Variants in OGA observed in about 807,000 individuals in gnomAD.
OGA encodes protein O-GlcNAcase.
Under a neutral mutation model 102.0 loss-of-function variants are expected in OGA, and 21 were observed. The ratio of observed to expected loss-of-function variants is 0.21; its 90% CI spans 0.15 to 0.30. OGA has a LOEUF of 0.30. Ranked by LOEUF, OGA falls within the 10% of genes least tolerant of loss-of-function variation. The pLI is 1.00. For synonymous variants in OGA, 408 were observed against 378.2 expected (o/e 1.08, Z -0.91); for missense variants, 765 against 1,107.8 (o/e 0.69, Z 4.39).
rs1350471428 is a variant in OGA, at chr10:101,786,438, GTGTCAACAAA to G, written c.*3_*12del. 6.2e-7 allele frequency: 1 copy of G among 1,600,504 alleles called. No homozygotes were observed. The highest frequency in any genetic ancestry group is 1.1e-5 in the South Asian group (1 of 87,454). On this transcript the variant is annotated 3_prime_UTR_variant, in exon 16 of 16. Transcript: ENST00000361464. ...TTAAGAGACTTTTGGACAGTTCACA[GTGTCAACAAA>G]TGTCACAGGCTCCGACCAAGTATAA...
At chr10:101,806,795 T>C (rs996831225) in intron 5 of OGA, among the ~76,000 whole-genome samples, 1 of 152,150 alleles carries the variant, frequency 6.6e-6, no homozygotes, top group East Asian at 1.9e-4. Flanking sequence ...CAATGGCAGC[T>C]GGGCACAGTG....
At chr10:101,793,454 C>CA (rs1367188221) in intron 11 of OGA, among the ~76,000 whole-genome samples, 2 of 152,018 alleles carry the variant, frequency 1.3e-5, no homozygotes, top group Non-Finnish European at 2.9e-5. Context: ...ATTCCAGCAG[C>CA]AAAAAAACTT....
intron 10 of OGA, among the ~76,000 whole-genome samples, chr10:101,794,446 G>A (rs955232553): frequency 6.6e-6 from 1 of 152,182 alleles, no homozygotes; most frequent in Non-Finnish European, 1.5e-5. Context: ...ACAGGTAAGG[G>A]AAAAGGGCGG....
At chr10:101,816,360 AC>A (rs1460810453) in intron 1 of OGA, among the ~76,000 whole-genome samples, 1 of 152,214 alleles carries the variant, frequency 6.6e-6, no homozygotes, top group East Asian at 1.9e-4. Flanking sequence ...GGAGGAATAA[AC>A]GAGAGAATGG....
rs746744794 is a variant in OGA at position 101,803,838 on chromosome 10, G to A, written c.933C>T (p.Leu311=). The change falls in exon 7 of 16, where the codon CTC becomes CTT. Residue 311 remains leucine, a synonymous_variant. Transcript: ENST00000361464. Reference sequence around the variant, plus strand: ...CTTCAAATTCACAATTTGGATTAGTGAGGACTCCTTTTAACCGTGGGATGA... The same window carrying A: ...CTTCAAATTCACAATTTGGATTAGTAAGGACTCCTTTTAACCGTGGGATGA... ...TELIPRLKGV[L]TNPNCEFEAN... is the part of the protein sequence containing the mutation. 1.2e-6 allele frequency: 2 copies of A among 1,614,184 alleles called. No individual in the cohort carries two copies. Among genetic ancestry groups the A allele is most frequent in the Admixed American group, 3.3e-5 (2 of 60,024 alleles).
chr10:101,790,279 T>G (rs946134886), intron 14 of OGA, among the ~76,000 whole-genome samples: 14 of 144,596 alleles, frequency 9.7e-5, no homozygotes, highest in East Asian at 7.9e-4. Flanking sequence ...TTTTTTTTTT[T>G]TTTTTTTTTT....
Position 101,787,445 on chromosome 10 carries a change from T to C in OGA, c.2533A>G (p.Met845Val), listed in dbSNP as rs760680500. The C allele has an allele frequency of 9.9e-6, 16 of 1,613,964 alleles. No individual in the cohort carries two copies. Among genetic ancestry groups the C allele is most frequent in the South Asian group, 1.1e-5 (1 of 91,090 alleles). Residue 845 changes from methionine to valine, a missense_variant, in exon 15 of 16, where the codon ATG becomes GTG. This residue lies in a region of OGA where 146 missense variants were observed against 269.7 expected (regional missense o/e 0.54). Coordinates refer to ENST00000361464, the MANE Select transcript of OGA (RefSeq NM_012215.5). ...FLANFPSLIK[M>V]DIHKKVTDPS... is the part of the protein sequence containing the mutation. ...TCAGTTACTTTTTTGTGAATGTCCA[T>C]CTTTATCAGAGAAGGGAAATTAGCA...
rs750297866 is a variant in OGA at position 101,807,807 on chromosome 10, G to C, written c.575C>G (p.Ala192Gly). ...AADKEVFSSF[A>G]HAQVSITNEI... ...ATTTGTGATGGAGACTTGGGCATGA[G>C]CAAAAGAACTGAATACCTCTTTGTC... Residue 192 changes from alanine to glycine, a missense_variant, in exon 5 of 16, where the codon GCT (alanine) becomes GGT (glycine). Ala to Gly is a moderately conservative substitution (Grantham distance 60). This residue lies in a region of OGA where 165 missense variants were observed against 249.7 expected (regional missense o/e 0.66). Coordinates refer to ENST00000361464, the MANE Select transcript of OGA (RefSeq NM_012215.5). The C allele has an allele frequency of 6.2e-7, 1 of 1,611,642 alleles. No homozygotes were observed. Among genetic ancestry groups the C allele is most frequent in the Non-Finnish European group, 8.5e-7 (1 of 1,178,978 alleles).
chr10:101,798,562 C>T (rs189467128), intron 9 of OGA, among the ~76,000 whole-genome samples: 116 of 152,018 alleles, frequency 7.6e-4, no homozygotes, highest in African/African-American at 2.4e-3. Flanking sequence ...TACAGGTGCC[C>T]GTCACCATGC....
At chr10:101,790,449 G>T (rs1176445426) in intron 14 of OGA, among the ~76,000 whole-genome samples, 1 of 151,112 alleles carries the variant, frequency 6.6e-6, no homozygotes. Flanking sequence ...ATTTTTTTTT[G>T]TATTTTTAGT....
chr10:101,786,186 C>T lies in OGA; in HGVS notation c.*265G>A, dbSNP rs541206168. 11 of 293,862 alleles carry T rather than the reference C, an allele frequency of 3.7e-5. No individual in the cohort carries two copies. The highest frequency in any genetic ancestry group is 1.7e-4 in the African/African-American group (8 of 46,174). 18.2% of individuals were successfully genotyped at this position (293,862 alleles called of 1,614,324 possible). A position where few individuals can be genotyped will look rare whatever the true frequency, so the allele number is the denominator to read the frequency against. ...TTGAAGACTCTCTCCCTGTATAAGC[C>T]CATGTAAAAGGTCTCAGCACCTAAC... is the stretch of plus-strand genomic sequence containing the variant. On this transcript the variant is annotated 3_prime_UTR_variant, in exon 16 of 16. Coordinates refer to ENST00000361464, the MANE Select transcript of OGA (RefSeq NM_012215.5).
chr10:101,798,138 G>T lies in OGA; in HGVS notation c.1826C>A (p.Ser609Ter). 2 of 1,613,908 alleles carry T rather than the reference G, an allele frequency of 1.2e-6. No homozygotes were observed. The highest frequency in any genetic ancestry group is 2.2e-5 in the South Asian group (2 of 90,996). Reference sequence around the variant, plus strand: ...CATCTCTTCAAACTTGGCTGCTCGTGACCGCCATTCTTCAATCTATTGAAG... The same window carrying T: ...CATCTCTTCAAACTTGGCTGCTCGTTACCGCCATTCTTCAATCTATTGAAG... ...KDSEKIEEWR[S>*]RAAKFEEMCG... The change falls in exon 10 of 16, where the codon TCA (serine) becomes TAA (stop). Residue 609 changes from serine (S) to a stop codon, truncating the protein, a stop_gained. Transcript: ENST00000361464. LOFTEE classifies it high-confidence loss of function.
intron 5 of OGA, 47 bp downstream of exon 5, chr10:101,807,683 T>C (rs2065493920): frequency 8.4e-6 from 11 of 1,309,900 alleles, no homozygotes; most frequent in Non-Finnish European, 1.1e-5. Context: ...TTATAAGTTA[T>C]ATATTCCAAG....
intron 6 of OGA, among the ~76,000 whole-genome samples, chr10:101,805,384 G>A (rs931845032): frequency 6.6e-6 from 1 of 152,200 alleles, no homozygotes; most frequent in Non-Finnish European, 1.5e-5. Flanking sequence ...GCCAGGTGCA[G>A]TGGGTCACAT....
At chr10:101,787,589 A>C (rs914672895) in intron 14 of OGA, 66 bp from the exon 15 acceptor site, 1 of 1,331,486 alleles carries the variant, frequency 7.5e-7, no homozygotes. Flanking sequence ...CCAACTACAG[A>C]ACTTAGCAAC....
chr10:101,786,421 C>T lies in OGA; in HGVS notation c.*30G>A, dbSNP rs17114193. ...CCATTCACAAGGTGCAGTTAAGAGA[C>T]TTTTGGACAGTTCACAGTGTCAACA... On this transcript the variant is annotated 3_prime_UTR_variant, in exon 16 of 16. Coordinates refer to ENST00000361464, the MANE Select transcript of OGA (RefSeq NM_012215.5). 1,505 of 1,576,028 alleles carry T rather than the reference C, an allele frequency of 9.5e-4. 43 individuals are homozygous for T. In the East Asian group the frequency reaches 0.029, roughly 31 times the overall value.
chr10:101,794,084 C>A, intron 10 of OGA, 86 bp from the exon 11 acceptor site: 1 of 879,100 alleles, frequency 1.1e-6, no homozygotes, highest in South Asian at 1.5e-5. Flanking sequence ...ACAAACACTT[C>A]GTGGAAATAA....
At chr10:101,803,629 A>G (rs184674169) in intron 7 of OGA, 106 bp downstream of exon 7, 7 of 1,207,876 alleles carry the variant, frequency 5.8e-6, no homozygotes, top group East Asian at 2.5e-5. Context: ...TAAAAAAATA[A>G]ATAAAACTGT....
At chr10:101,788,729 C>T (rs1332369796) in intron 14 of OGA, among the ~76,000 whole-genome samples, 5 of 147,014 alleles carry the variant, frequency 3.4e-5, no homozygotes, top group Non-Finnish European at 6.0e-5. Context: ...AGGGAAACTC[C>T]GTCTCAAAAA....
Sources: gnomAD v4.1 joint callset for allele counts (sites outside exome capture counted in the v4.1 genomes callset) on GRCh38, gnomAD v4.1.1 for gene constraint, gnomAD v4.1.1 regional missense constraint, MANE v1.5 for transcripts, NCBI Gene and HGNC (gene_info 2026-07-23, HGNC 2026-07-21) for gene names.